Variants in RERE observed in about 807,000 individuals in gnomAD.
RERE encodes the protein arginine-glutamic acid dipeptide repeats, also known as arginine-glutamic acid dipeptide repeats protein.
In RERE, 40 loss-of-function variants were observed where a neutral mutation model predicts 146.1. That is an observed-to-expected ratio of 0.27 (90% CI 0.21 to 0.36). The LOEUF (loss-of-function observed/expected upper bound fraction) is 0.36, where lower values mean the gene tolerates loss of function less well. Among genes scored for constraint, RERE ranks in the 10% least tolerant of loss-of-function variants. The probability of loss-of-function intolerance (pLI) is 1.00; values close to 1 mark genes in which losing one functional copy is unlikely to be tolerated. For missense variants in RERE, 1,933 were observed against 2,138.7 expected (o/e 0.90, Z 1.90); for synonymous variants, 1,003 against 866.0 (o/e 1.16, Z -2.78).
At chr1:8,811,513 AG>A (rs1641810029) in intron 1 of RERE, among the ~76,000 whole-genome samples, 1 of 152,114 alleles carries the variant, frequency 6.6e-6, no homozygotes, top group African/African-American at 2.4e-5. Context: ...GAGGCCAAGG[AG>A]GGAGGATAAC....
chr1:8,645,615 A>C (rs1354575231), intron 2 of RERE, among the ~76,000 whole-genome samples: 2 of 152,212 alleles, frequency 1.3e-5, no homozygotes, highest in Non-Finnish European at 2.9e-5. Flanking sequence ...GAGATTCTGC[A>C]TTTCTAACCA....
chr1:8,794,919 C>T (rs546081855), intron 1 of RERE, among the ~76,000 whole-genome samples: 1 of 152,064 alleles, frequency 6.6e-6, no homozygotes, highest in South Asian at 2.1e-4. Context: ...CTCAGGTGAT[C>T]ATCCCATCTC....
intron 4 of RERE, among the ~76,000 whole-genome samples, chr1:8,604,618 G>A (rs193034155): frequency 0.098 from 6,361 of 64,936 alleles, 285 homozygotes; most frequent in East Asian, 0.21. Context: ...GGGAGGGAGG[G>A]AGGGAGGAAG....
intron 12 of RERE, among the ~76,000 whole-genome samples, chr1:8,369,415 A>G (rs1448958339): frequency 6.7e-6 from 1 of 149,576 alleles, no homozygotes; most frequent in African/African-American, 2.4e-5. Context: ...AAGAAGAAGT[A>G]GTCCAGAACA....
At chr1:8,671,162 C>A (rs1638707803) in intron 1 of RERE, among the ~76,000 whole-genome samples, 1 of 152,126 alleles carries the variant, frequency 6.6e-6, no homozygotes, top group Non-Finnish European at 1.5e-5. Context: ...TACTAATAAC[C>A]ATGGGGCTGG....
intron 4 of RERE, among the ~76,000 whole-genome samples, chr1:8,566,269 C>T (rs1408998082): frequency 6.6e-6 from 1 of 152,156 alleles, no homozygotes; most frequent in African/African-American, 2.4e-5. Context: ...GGTGGCCACA[C>T]AACTCCCATT....
chr1:8,388,559 T>A (rs961398698), intron 12 of RERE, among the ~76,000 whole-genome samples: 1 of 152,140 alleles, frequency 6.6e-6, no homozygotes, highest in African/African-American at 2.4e-5. Context: ...GACCTCATGA[T>A]CCGCCCGCCT....
At chr1:8,386,003 TATATATATATATA>T (rs1642647646) in intron 12 of RERE, among the ~76,000 whole-genome samples, 1 of 36,800 alleles carries the variant, frequency 2.7e-5, no homozygotes, top group Non-Finnish European at 5.0e-5. Flanking sequence ...AATATATATA[TATATATATATATA>T]TATATATTTT....
intron 1 of RERE, among the ~76,000 whole-genome samples, chr1:8,731,947 C>T (rs1005465356): frequency 2.6e-5 from 4 of 152,120 alleles, no homozygotes; most frequent in Non-Finnish European, 5.9e-5. Flanking sequence ...GGACTACAGG[C>T]ACACACTGCC....
At chr1:8,763,849 G>C (rs964265638) in intron 1 of RERE, among the ~76,000 whole-genome samples, 2 of 151,686 alleles carry the variant, frequency 1.3e-5, no homozygotes, top group Admixed American at 6.6e-5. Context: ...GCCGAGGCAG[G>C]AGAATCACTT....
chr1:8,412,849 C>A (rs1570176409), intron 12 of RERE, among the ~76,000 whole-genome samples: 2 of 152,100 alleles, frequency 1.3e-5, no homozygotes, highest in East Asian at 3.9e-4. Flanking sequence ...CCTGGGATAT[C>A]CAGGTTTCAA....
intron 6 of RERE, among the ~76,000 whole-genome samples, chr1:8,553,382 A>T (rs1645963612): frequency 6.6e-6 from 1 of 151,162 alleles, no homozygotes; most frequent in African/African-American, 2.4e-5. Flanking sequence ...TTGCACCATT[A>T]GGCCAGCGCG....
chr1:8,618,202 T>A (rs560833213), intron 3 of RERE, among the ~76,000 whole-genome samples: 1 of 152,208 alleles, frequency 6.6e-6, no homozygotes, highest in South Asian at 2.1e-4. Context: ...AACATCACAA[T>A]CAGTGTCATT....
At chr1:8,650,188 G>A (rs1004075446) in intron 2 of RERE, among the ~76,000 whole-genome samples, 27 of 152,166 alleles carry the variant, frequency 1.8e-4, no homozygotes, top group Admixed American at 1.3e-4. Context: ...AGATTAAACC[G>A]TAGTGATAAA....
chr1:8,742,688 G>A (rs1285387632), intron 1 of RERE, among the ~76,000 whole-genome samples: 1 of 151,902 alleles, frequency 6.6e-6, no homozygotes, highest in African/African-American at 2.4e-5. Context: ...AGGCATGAAG[G>A]CTAAAATTAG....
At chr1:8,531,011 A>G (rs541866149) in intron 7 of RERE, among the ~76,000 whole-genome samples, 1 of 25,818 alleles carries the variant, frequency 3.9e-5, no homozygotes, top group African/African-American at 2.2e-4. Flanking sequence ...TGAGTTTTCT[A>G]TCTATCTATC....
intron 2 of RERE, among the ~76,000 whole-genome samples, chr1:8,635,506 C>G (rs1647086917): frequency 6.6e-6 from 1 of 152,234 alleles, no homozygotes; most frequent in South Asian, 2.1e-4. Flanking sequence ...GTATTCACAA[C>G]AGACTTCGTT....
intron 12 of RERE, among the ~76,000 whole-genome samples, chr1:8,413,461 G>C (rs991822834): frequency 6.6e-6 from 1 of 151,164 alleles, no homozygotes; most frequent in African/African-American, 2.4e-5. Flanking sequence ...TCCCACCTCA[G>C]CCTCCCGAGT....
chr1:8,639,019 C>G lies in RERE; in HGVS notation c.326-14639G>C, dbSNP rs961678365. Among the ~76,000 whole-genome samples the G allele has an allele frequency of 6.6e-5, 10 of 152,080 alleles. No homozygotes were observed. The East Asian group carries it at 9.7e-4, about 15-fold the overall frequency. On this transcript the variant is annotated intron_variant, in intron 2 of 22. Transcript: ENST00000400908. Reference sequence around the variant, plus strand: ...CGATCTCCTGATCTCATTATCCTCCCATCTCGGCCTCCCAAAGTGCTGGGA... The same window carrying G: ...CGATCTCCTGATCTCATTATCCTCCGATCTCGGCCTCCCAAAGTGCTGGGA...
Sources: allele counts gnomAD v4.1 joint callset (sites outside exome capture counted in the v4.1 genomes callset), GRCh38; gene constraint gnomAD v4.1.1; transcripts MANE v1.5; gene names NCBI Gene and HGNC (gene_info 2026-07-23, HGNC 2026-07-21).